THSD7B: variants seen among roughly 807,000 people sequenced by gnomAD.
THSD7B encodes thrombospondin type-1 domain-containing protein 7B.
Under a neutral mutation model 213.6 loss-of-function variants are expected in THSD7B, and 138 were observed. The observed-to-expected ratio is 0.65, with a 90% CI of 0.56 to 0.74. THSD7B has a LOEUF of 0.74. THSD7B is among the 30% of genes least tolerant of loss of function. THSD7B has a pLI of 0.00. For synonymous variants in THSD7B, 742 were observed against 687.0 expected (o/e 1.08, Z -1.25); for missense variants, 1,931 against 1,991.5 (o/e 0.97, Z 0.58).
At chr2:137,498,046 C>T (rs1679612440) in intron 15 of THSD7B, among the ~76,000 whole-genome samples, 1 of 152,270 alleles carries the variant, frequency 6.6e-6, no homozygotes, top group Non-Finnish European at 1.5e-5. Flanking sequence ...CTGGCTCTAC[C>T]ACCATTGCAT....
rs577127033 is a variant in THSD7B, at chr2:137,586,564, G to C, written c.3423+14008G>C. On this transcript the variant is annotated intron_variant, in intron 17 of 27. Transcript: ENST00000409968. ...ATAATCTCTCAGCATTTGCTTGTCT[G>C]TAAAGGATTTTATTTTTCCTTCACT... is the stretch of plus-strand genomic sequence containing the variant. 1.6e-4 allele frequency among the ~76,000 whole-genome samples: 24 copies of C among 152,188 alleles called. 1 individual carries two copies. The highest frequency in any genetic ancestry group is 3.3e-4 in the Admixed American group (5 of 15,274).
intron 12 of THSD7B, among the ~76,000 whole-genome samples, chr2:137,403,575 G>A (rs921061560): frequency 5.9e-5 from 9 of 152,158 alleles, no homozygotes; most frequent in East Asian, 1.9e-4. Flanking sequence ...AACATACAGC[G>A]TGTCTAAGGC....
chr2:137,223,243 G>A (rs2105046519), intron 7 of THSD7B, among the ~76,000 whole-genome samples: 1 of 152,304 alleles, frequency 6.6e-6, no homozygotes, highest in South Asian at 2.1e-4. Flanking sequence ...GGAAAACTGT[G>A]TCATGGACCC....
chr2:137,331,522 A>C (rs1326274460), intron 12 of THSD7B, among the ~76,000 whole-genome samples: 3 of 152,186 alleles, frequency 2.0e-5, no homozygotes, highest in Non-Finnish European at 2.9e-5. Flanking sequence ...TCCCCACCAG[A>C]CTCAGGAGCC....
chr2:137,271,392 G>T (rs201577090), intron 10 of THSD7B, among the ~76,000 whole-genome samples: 14,750 of 135,128 alleles, frequency 0.11, 1,461 homozygotes, highest in East Asian at 0.49. Context: ...TATATATTAT[G>T]AATTATATAT....
At chr2:137,047,423 A>G (rs762812152) in intron 2 of THSD7B, among the ~76,000 whole-genome samples, 18 of 152,224 alleles carry the variant, frequency 1.2e-4, no homozygotes, top group Non-Finnish European at 2.4e-4. Flanking sequence ...TACTGTTTGA[A>G]AAGCCAATAA....
intron 12 of THSD7B, among the ~76,000 whole-genome samples, chr2:137,297,469 A>C (rs950049869): frequency 6.6e-6 from 1 of 151,896 alleles, no homozygotes. Flanking sequence ...CCAGGTAAGA[A>C]ATACTCAGAT....
At chr2:136,982,438 A>G (rs1408284975) in intron 2 of THSD7B, among the ~76,000 whole-genome samples, 1 of 152,058 alleles carries the variant, frequency 6.6e-6, no homozygotes, top group East Asian at 1.9e-4. Flanking sequence ...TGCTAGTTTC[A>G]GGATTATAAG....
intron 10 of THSD7B, among the ~76,000 whole-genome samples, chr2:137,245,024 GT>G (rs1433509748): frequency 2.6e-5 from 4 of 152,078 alleles, no homozygotes; most frequent in Non-Finnish European, 4.4e-5. Flanking sequence ...GAAATTTTCA[GT>G]TGTAAGAAGC....
At chr2:136,953,443 TCAAA>T (rs959872027) in intron 2 of THSD7B, among the ~76,000 whole-genome samples, 1 of 152,218 alleles carries the variant, frequency 6.6e-6, no homozygotes, top group Non-Finnish European at 1.5e-5. Context: ...AATATGGGAC[TCAAA>T]CAGAGAAATG....
intron 2 of THSD7B, among the ~76,000 whole-genome samples, chr2:136,925,489 C>T (rs1330568977): frequency 6.6e-6 from 1 of 152,162 alleles, no homozygotes; most frequent in South Asian, 2.1e-4. Flanking sequence ...GACTTTCATA[C>T]ACTGAGCCAT....
intron 1 of THSD7B, among the ~76,000 whole-genome samples, chr2:136,813,521 A>G (rs533092284): frequency 6.6e-6 from 1 of 152,152 alleles, no homozygotes; most frequent in Non-Finnish European, 1.5e-5. Flanking sequence ...TAGTTTGGAG[A>G]CAGCTGAAGG....
intron 14 of THSD7B, among the ~76,000 whole-genome samples, chr2:137,412,654 T>C (rs905116947): frequency 1.5e-5 from 2 of 134,414 alleles, no homozygotes; most frequent in African/African-American, 5.5e-5. Flanking sequence ...AGTATAAGTA[T>C]ACCCAAGTTA....
Position 137,663,483 on chromosome 2 carries a change from C to G in THSD7B, c.4559C>G (p.Ala1520Gly). 2 of 1,603,378 alleles carry G rather than the reference C, an allele frequency of 1.2e-6. No homozygotes were observed. The highest frequency in any genetic ancestry group is 1.7e-6 in the Non-Finnish European group (2 of 1,174,260). Residue 1520 changes from alanine to glycine, a missense_variant, in exon 26 of 28, where the codon GCT becomes GGT. Physicochemically the swap from Ala to Gly is moderately conservative, Grantham distance 60. Transcript: ENST00000409968. ...MKVPGSEDKK[A>G]DVKNLSGKNR... is the part of the protein sequence containing the mutation. Reference sequence around the variant, plus strand: ...GTACCAGGCTCAGAGGATAAAAAAGCTGATGTGAAAAACCTTTCTGGGAAA... The same window carrying G: ...GTACCAGGCTCAGAGGATAAAAAAGGTGATGTGAAAAACCTTTCTGGGAAA...
chr2:137,150,230 G>C (rs140448828), intron 5 of THSD7B, among the ~76,000 whole-genome samples: 1,957 of 134,090 alleles, frequency 0.015, 38 homozygotes, highest in African/African-American at 0.052. Flanking sequence ...CAACAAGAGT[G>C]AAATTCTGTC....
chr2:137,013,139 A>G (rs558355492), intron 2 of THSD7B, among the ~76,000 whole-genome samples: 1 of 152,346 alleles, frequency 6.6e-6, no homozygotes, highest in East Asian at 1.9e-4. Context: ...GAACAAACAC[A>G]TGCTTTAAAG....
At chr2:137,245,536 T>A (rs1041672881) in intron 10 of THSD7B, among the ~76,000 whole-genome samples, 2 of 152,160 alleles carry the variant, frequency 1.3e-5, no homozygotes, top group African/African-American at 4.8e-5. Flanking sequence ...CAGACTACTG[T>A]AGACTCCCCC....
At chr2:136,805,180 T>C (rs935559495) in intron 1 of THSD7B, among the ~76,000 whole-genome samples, 1 of 151,832 alleles carries the variant, frequency 6.6e-6, no homozygotes, top group African/African-American at 2.4e-5. Flanking sequence ...CTCCTTTACC[T>C]ATTTGCTTCT....
At chr2:137,286,097 TAA>T (rs774262763) in intron 12 of THSD7B, among the ~76,000 whole-genome samples, 18 of 120,962 alleles carry the variant, frequency 1.5e-4, no homozygotes, top group African/African-American at 1.2e-4. Flanking sequence ...AGACTCTGTC[TAA>T]AAAAAAAAAA....
Sources: allele counts gnomAD v4.1 joint callset (sites outside exome capture counted in the v4.1 genomes callset), GRCh38; gene constraint gnomAD v4.1.1; transcripts MANE v1.5; gene names NCBI Gene and HGNC (gene_info 2026-07-23, HGNC 2026-07-21).